Variants in TP63 observed in about 807,000 individuals in gnomAD.
The protein encoded by TP63 is tumor protein 63.
TP63 carries 17 observed loss-of-function variants against 82.8 expected under a neutral mutation model. The ratio of observed to expected loss-of-function variants is 0.21; its 90% CI spans 0.14 to 0.31. The LOEUF is 0.31. Ranked by LOEUF, TP63 falls within the 10% of genes least tolerant of loss-of-function variation. The pLI is 1.00. For missense variants in TP63, 648 were observed against 895.3 expected, an observed-to-expected ratio of 0.72 and a Z score of 3.52; for synonymous variants, 330 against 321.7, an observed-to-expected ratio of 1.03 and a Z score of -0.28.
chr3:189,728,437 A>G (rs571639655), intron 1 of TP63, among the ~76,000 whole-genome samples: 1 of 152,326 alleles, frequency 6.6e-6, no homozygotes, highest in African/African-American at 2.4e-5. Flanking sequence ...CAAACAAGAT[A>G]TATAAATATT....
At chr3:189,637,764 T>G (rs543251027) in intron 1 of TP63, among the ~76,000 whole-genome samples, 2 of 152,220 alleles carry the variant, frequency 1.3e-5, no homozygotes, top group African/African-American at 4.8e-5. Context: ...ATCCTAATCC[T>G]CAGAACCTGT....
chr3:189,649,880 G>A (rs1712745735), intron 1 of TP63, among the ~76,000 whole-genome samples: 1 of 146,676 alleles, frequency 6.8e-6, no homozygotes, highest in African/African-American at 2.6e-5. Context: ...GATGTGACGT[G>A]TAGGTAAAAG....
intron 4 of TP63, among the ~76,000 whole-genome samples, chr3:189,832,305 G>A (rs1357970046): frequency 6.6e-6 from 1 of 152,230 alleles, no homozygotes; most frequent in East Asian, 1.9e-4. Context: ...CAACCCCAGG[G>A]ACTGACAGAT....
At chr3:189,889,175 T>A (rs1037402969) in intron 11 of TP63, among the ~76,000 whole-genome samples, 165 bp from the exon 12 acceptor site, 1 of 152,186 alleles carries the variant, frequency 6.6e-6, no homozygotes, top group Admixed American at 6.5e-5. Flanking sequence ...ACCGTTCTGT[T>A]TGACTAGATG....
At chr3:189,677,331 T>TTTATATATATAAATGTATATAAATAA (rs1715499999) in intron 1 of TP63, among the ~76,000 whole-genome samples, 1 of 140,130 alleles carries the variant, frequency 7.1e-6, no homozygotes, top group Non-Finnish European at 1.5e-5. Flanking sequence ...CACACACATA[T>TTTATATATATAAATGTATATAAATAA]TTATATATAT....
chr3:189,686,271 A>G (rs1365549734), intron 1 of TP63, among the ~76,000 whole-genome samples: 1 of 152,110 alleles, frequency 6.6e-6, no homozygotes, highest in Non-Finnish European at 1.5e-5. Flanking sequence ...CAAAACTTAT[A>G]TTTTAGATTC....
At chr3:189,650,118 A>G (rs185015909) in intron 1 of TP63, among the ~76,000 whole-genome samples, 10 of 146,718 alleles carry the variant, frequency 6.8e-5, no homozygotes, top group Non-Finnish European at 1.2e-4. Flanking sequence ...ACCTCACTTA[A>G]TTCTTGGGTG....
chr3:189,891,996 C>A (rs1261474206), intron 13 of TP63, among the ~76,000 whole-genome samples: 1 of 152,268 alleles, frequency 6.6e-6, no homozygotes, highest in Admixed American at 6.5e-5. Flanking sequence ...TGCCCCTATG[C>A]CCACCCCTCT....
At chr3:189,817,909 A>C (rs1310912352) in intron 4 of TP63, among the ~76,000 whole-genome samples, 2 of 151,908 alleles carry the variant, frequency 1.3e-5, no homozygotes, top group African/African-American at 4.8e-5. Context: ...GAGAAGAAAA[A>C]TTTACTCCAT....
Position 189,781,907 on chromosome 3 carries a change from T to A in TP63, c.325-26365T>A, listed in dbSNP as rs184703073. 4.8e-3 allele frequency among the ~76,000 whole-genome samples: 725 copies of A among 152,190 alleles called. 7 individuals are homozygous for A. Among genetic ancestry groups the A allele is most frequent in the African/African-American group, 0.016 (671 of 41,532 alleles). On this transcript the variant is annotated intron_variant, in intron 3 of 13. Coordinates refer to ENST00000264731, the MANE Select transcript of TP63 (RefSeq NM_003722.5). ...TCATCAATAGTAAATCAAATCTAGG[T>A]TAAATAGACAAATGCCATCTCCAAG...
At chr3:189,686,253 T>C (rs1716427833) in intron 1 of TP63, among the ~76,000 whole-genome samples, 1 of 152,198 alleles carries the variant, frequency 6.6e-6, no homozygotes, top group Admixed American at 6.5e-5. Context: ...TGTTTTCTTT[T>C]TATGAGACAA....
intron 1 of TP63, among the ~76,000 whole-genome samples, chr3:189,659,170 C>T (rs779264456): frequency 6.6e-6 from 1 of 151,756 alleles, no homozygotes; most frequent in African/African-American, 2.4e-5. Flanking sequence ...TTCCATCACC[C>T]AGTACCCAAT....
At chr3:189,788,557 T>G (rs1229979443) in intron 3 of TP63, among the ~76,000 whole-genome samples, 2 of 151,486 alleles carry the variant, frequency 1.3e-5, no homozygotes, top group African/African-American at 4.9e-5. Flanking sequence ...TCAAGCAAAA[T>G]AGAGGAAATT....
At chr3:189,737,953 T>A in intron 2 of TP63, 85 bp downstream of exon 2, 1 of 1,536,448 alleles carries the variant, frequency 6.5e-7, no homozygotes, top group South Asian at 1.1e-5. Context: ...TAGGGCATGT[T>A]TTTTCTAGAA....
chr3:189,709,804 C>G (rs192659095), intron 1 of TP63, among the ~76,000 whole-genome samples: 73 of 152,268 alleles, frequency 4.8e-4, no homozygotes, highest in African/African-American at 1.8e-3. Context: ...GGATAAGCTA[C>G]AGTTAGGGAT....
chr3:189,742,146 G>A (rs2108508391), intron 3 of TP63, among the ~76,000 whole-genome samples: 2 of 151,260 alleles, frequency 1.3e-5, no homozygotes, highest in Middle Eastern at 6.8e-3. Context: ...AGGAGGCTGA[G>A]GCAGGAGAAT....
rs1404370560 is a variant in TP63, at chr3:189,723,290, G to A, written c.63-14450G>A. Among the ~76,000 whole-genome samples the A allele has an allele frequency of 3.3e-5, 5 of 152,100 alleles. No homozygotes were observed. In the East Asian group the frequency reaches 9.6e-4, roughly 29 times the overall value. On this transcript the variant is annotated intron_variant, in intron 1 of 13. Transcript: ENST00000264731. ...TTAACCTTGTGAATGACAGACTAGG[G>A]ACTCTGAAGCCATATCCTTAGGAAC...
At chr3:189,703,500 C>T (rs999281356) in intron 1 of TP63, among the ~76,000 whole-genome samples, 1 of 147,388 alleles carries the variant, frequency 6.8e-6, no homozygotes, top group Non-Finnish European at 1.5e-5. Flanking sequence ...GGACCCAATC[C>T]GTAGGTCTTC....
At chr3:189,631,190 CCAA>C (rs1255284607), upstream of TP63, 18 of 980,766 alleles carry the variant, frequency 1.8e-5, no homozygotes, top group South Asian at 1.9e-4. Flanking sequence ...CTCCAAATTG[CCAA>C]CAACAAGTGT....
Sources: gnomAD v4.1 joint callset for allele counts (sites outside exome capture counted in the v4.1 genomes callset) on GRCh38, gnomAD v4.1.1 for gene constraint, MANE v1.5 for transcripts, NCBI Gene and HGNC (gene_info 2026-07-23, HGNC 2026-07-21) for gene names.